OXR1: variants seen among roughly 807,000 people sequenced by gnomAD.
OXR1 encodes oxidation resistance 1.
Under a neutral mutation model 104.6 loss-of-function variants are expected in OXR1, and 41 were observed. The observed-to-expected ratio is 0.39, with a 90% CI of 0.31 to 0.51. The LOEUF is 0.51. OXR1 is among the 20% of genes least tolerant of loss of function. The pLI, the probability that OXR1 is intolerant of heterozygous loss-of-function variation, is 0.77. For missense variants in OXR1, 955 were observed against 1,031.9 expected (o/e 0.93, Z 1.02); for synonymous variants, 348 against 348.4 (o/e 1.00, Z 0.01).
intron 2 of OXR1, among the ~76,000 whole-genome samples, chr8:106,401,099 A>G (rs1311132448): frequency 1.3e-5 from 2 of 152,284 alleles, no homozygotes; most frequent in East Asian, 3.9e-4. Context: ...TACCTTCCAA[A>G]TTCTAGACCA....
At chr8:106,599,523 A>G (rs1586875261) in intron 3 of OXR1, among the ~76,000 whole-genome samples, 3 of 152,338 alleles carry the variant, frequency 2.0e-5, no homozygotes. Flanking sequence ...ATTGTTGTCA[A>G]ATTTCTTACT....
At chr8:106,705,161 G>T (rs953592007) in intron 8 of OXR1, among the ~76,000 whole-genome samples, 1 of 151,962 alleles carries the variant, frequency 6.6e-6, no homozygotes, top group South Asian at 2.1e-4. Flanking sequence ...TTACCTAAGG[G>T]TCTTCTAATT....
At chr8:106,695,118 C>G (rs1829877517) in intron 7 of OXR1, among the ~76,000 whole-genome samples, 2 of 150,290 alleles carry the variant, frequency 1.3e-5, no homozygotes, top group African/African-American at 4.9e-5. Context: ...CCTCTTATTT[C>G]TACATGTTAT....
chr8:106,396,968 T>C (rs1369526949), intron 2 of OXR1, among the ~76,000 whole-genome samples: 1 of 152,106 alleles, frequency 6.6e-6, no homozygotes, highest in African/African-American at 2.4e-5. Flanking sequence ...TTCCAAGATA[T>C]ATTATTAAGT....
At chr8:106,600,083 G>A (rs1270876536) in intron 3 of OXR1, among the ~76,000 whole-genome samples, 1 of 152,234 alleles carries the variant, frequency 6.6e-6, no homozygotes, top group South Asian at 2.1e-4. Context: ...CCAAGGGCCA[G>A]TACCAGTCTG....
intron 16 of OXR1, among the ~76,000 whole-genome samples, chr8:106,750,324 C>CCT (rs1835780913): frequency 7.2e-6 from 1 of 138,202 alleles, no homozygotes; most frequent in Non-Finnish European, 1.5e-5. Flanking sequence ...CTTTTCTTTT[C>CCT]TTTTTTTTTT....
chr8:106,492,624 AACAG>A (rs1173465674), intron 2 of OXR1, among the ~76,000 whole-genome samples: 1 of 152,196 alleles, frequency 6.6e-6, no homozygotes, highest in African/African-American at 2.4e-5. Context: ...AGGCTCTGGA[AACAG>A]ACAGCAATAT....
At chr8:106,418,595 T>C (rs1274110708) in intron 2 of OXR1, among the ~76,000 whole-genome samples, 1 of 152,088 alleles carries the variant, frequency 6.6e-6, no homozygotes, top group Admixed American at 6.6e-5. Flanking sequence ...ATAGTATATA[T>C]CCTTGCTATG....
intron 8 of OXR1, among the ~76,000 whole-genome samples, chr8:106,703,975 A>T (rs1830844728): frequency 6.6e-6 from 1 of 152,224 alleles, no homozygotes; most frequent in African/African-American, 2.4e-5. Context: ...CTTGTGGGGC[A>T]GAGCAACTTA....
intron 2 of OXR1, among the ~76,000 whole-genome samples, chr8:106,365,469 C>A: frequency 6.6e-6 from 1 of 150,894 alleles, no homozygotes. Flanking sequence ...AACAAAAGCT[C>A]AAGAGGAATG....
At chr8:106,446,047 C>T (rs531877284) in intron 2 of OXR1, among the ~76,000 whole-genome samples, 17 of 152,260 alleles carry the variant, frequency 1.1e-4, no homozygotes, top group African/African-American at 4.1e-4. Flanking sequence ...TAGAGATTGG[C>T]TTTGTGAAAG....
At chr8:106,423,225 T>G (rs1818974179) in intron 2 of OXR1, among the ~76,000 whole-genome samples, 1 of 152,184 alleles carries the variant, frequency 6.6e-6, no homozygotes, top group Non-Finnish European at 1.5e-5. Flanking sequence ...CAAAAAAGAC[T>G]ACAACTCTTA....
chr8:106,534,029 A>C (rs1416118611), intron 3 of OXR1, among the ~76,000 whole-genome samples: 1 of 152,164 alleles, frequency 6.6e-6, no homozygotes, highest in African/African-American at 2.4e-5. Flanking sequence ...ACCTTTTATC[A>C]GAGGGACTCA....
intron 16 of OXR1, among the ~76,000 whole-genome samples, chr8:106,749,153 T>C (rs1243996689): frequency 1.3e-5 from 2 of 151,838 alleles, no homozygotes; most frequent in East Asian, 3.9e-4. Flanking sequence ...CCATCCTGGC[T>C]AACACAGTGA....
chr8:106,608,473 A>AT (rs1563640016), intron 3 of OXR1, among the ~76,000 whole-genome samples: 1 of 152,038 alleles, frequency 6.6e-6, no homozygotes, highest in African/African-American at 2.4e-5. Context: ...TATGTGTACT[A>AT]TTTTTTATCA....
At chr8:106,633,091 G>A (rs951575094) in intron 3 of OXR1, among the ~76,000 whole-genome samples, 3 of 151,912 alleles carry the variant, frequency 2.0e-5, no homozygotes, top group Non-Finnish European at 4.4e-5. Context: ...AAAATTGCCA[G>A]GCATGGTGGC....
chr8:106,726,454 G>A (rs1833355389), intron 11 of OXR1: 1 of 515,814 alleles, frequency 1.9e-6, no homozygotes, highest in African/African-American at 2.0e-5. Context: ...GTACCTTGAA[G>A]TTGTTTCTGT....
At chr8:106,444,004 AC>A (rs1269162463) in intron 2 of OXR1, among the ~76,000 whole-genome samples, 1 of 152,194 alleles carries the variant, frequency 6.6e-6, no homozygotes, top group Non-Finnish European at 1.5e-5. Context: ...CAAGAAAAAA[AC>A]AAACAACTCC....
intron 1 of OXR1, among the ~76,000 whole-genome samples, chr8:106,288,075 C>G (rs985367243): frequency 6.6e-6 from 1 of 152,142 alleles, no homozygotes; most frequent in Admixed American, 6.5e-5. Flanking sequence ...CACACCCATG[C>G]AGAATGCAGA....
Sources: allele counts gnomAD v4.1 joint callset (sites outside exome capture counted in the v4.1 genomes callset), GRCh38; gene constraint gnomAD v4.1.1; transcripts MANE v1.5; gene names NCBI Gene and HGNC (gene_info 2026-07-23, HGNC 2026-07-21).